Variants in PCDHGB6 observed in about 807,000 individuals in gnomAD.
PCDHGB6 encodes protocadherin gamma subfamily B, 6.
A neutral mutation model predicts 59.1 loss-of-function variants in PCDHGB6; 51 were observed. The ratio of observed to expected loss-of-function variants is 0.86; its 90% CI spans 0.69 to 1.09. The LOEUF is 1.09. Ranked by LOEUF, PCDHGB6 falls within the 50% of genes least tolerant of loss-of-function variation. The probability of loss-of-function intolerance (pLI) is 0.00; values close to 1 mark genes in which losing one functional copy is unlikely to be tolerated. For synonymous variants in PCDHGB6, 466 were observed against 495.1 expected, an observed-to-expected ratio of 0.94 and a Z score of 0.78; for missense variants, 1,148 against 1,205.1, an observed-to-expected ratio of 0.95 and a Z score of 0.70.
intron 1 of PCDHGB6, chr5:141,478,354 C>T (rs141625672): frequency 1.2e-6 from 2 of 1,613,778 alleles, no homozygotes; most frequent in Non-Finnish European, 8.5e-7. Context: ...ACGCGGACGC[C>T]GTGCGGGGAG....
chr5:141,428,338 T>G, intron 1 of PCDHGB6: 7 of 592,492 alleles, frequency 1.2e-5, no homozygotes, highest in East Asian at 3.1e-5. Flanking sequence ...TATGCTCTTC[T>G]TCCTCGCAGT....
At chr5:141,418,800 GAT>G (rs777421725) in intron 1 of PCDHGB6, 1 of 1,613,800 alleles carries the variant, frequency 6.2e-7, no homozygotes, top group Non-Finnish European at 8.5e-7. Flanking sequence ...GAAGTAGAAA[GAT>G]ATACGATAAA....
chr5:141,497,502 T>C (rs1216218103), intron 2 of PCDHGB6, among the ~76,000 whole-genome samples: 1 of 151,628 alleles, frequency 6.6e-6, no homozygotes, highest in East Asian at 1.9e-4. Flanking sequence ...CTCTCCTCTC[T>C]CTGCTTCCTT....
At chr5:141,479,366 T>A (rs2099494042) in intron 1 of PCDHGB6, 1 of 152,302 alleles carries the variant, frequency 6.6e-6, no homozygotes, top group Non-Finnish European at 1.5e-5. Flanking sequence ...GTGCCTGAGG[T>A]GGGAGGATTG....
rs1197249074 is a variant in PCDHGB6 at position 141,438,579 on chromosome 5, CATACATACATACATATATAT to C, written c.2418+27963_2418+27982del. ...AAGAGGCAGCTGTCTGATATACATACATACATACATACATATATATATATATATATATATATATATATATA... is the reference window on the plus strand; with the variant it reads ...AAGAGGCAGCTGTCTGATATACATACATATATATATATATATATATATATA... On this transcript the variant is annotated intron_variant, in intron 1 of 3. Transcript: ENST00000520790. Among the ~76,000 whole-genome samples the C allele has an allele frequency of 5.3e-3, 298 of 55,734 alleles. 1 individual carries two copies. Among genetic ancestry groups the C allele is most frequent in the Admixed American group, 0.022 (77 of 3,542 alleles). The allele number at this position is 55,734 out of a possible 152,430, so 36.6% of individuals were successfully genotyped here.
At chr5:141,492,121 C>G (rs1205499685) in intron 1 of PCDHGB6, among the ~76,000 whole-genome samples, 1 of 152,232 alleles carries the variant, frequency 6.6e-6, no homozygotes, top group Non-Finnish European at 1.5e-5. Context: ...CGATTTCTCC[C>G]CAGCTCCCAG....
At position 141,433,030 on chromosome 5, in the gene PCDHGB6, T is replaced by C. The variant is rs116611363; in HGVS notation, c.2418+22410T>C. ...TCCTGCAGACCTATTCCCACGAGGTTTCCCTCACCACGGACTCGCGGAAGA... is the reference window on the plus strand; with the variant it reads ...TCCTGCAGACCTATTCCCACGAGGTCTCCCTCACCACGGACTCGCGGAAGA... On this transcript the variant is annotated intron_variant, in intron 1 of 3. Transcript: ENST00000520790. 10,352 of 1,614,096 alleles carry C rather than the reference T, an allele frequency of 6.4e-3. 43 individuals are homozygous for C. The highest frequency in any genetic ancestry group is 8.6e-3 in the Middle Eastern group (52 of 6,062).
At chr5:141,418,278 T>C (rs2096243624) in intron 1 of PCDHGB6, 1 of 1,613,954 alleles carries the variant, frequency 6.2e-7, no homozygotes, top group East Asian at 2.2e-5. Context: ...GAAATAAACT[T>C]AGAAATCAGT....
intron 1 of PCDHGB6, among the ~76,000 whole-genome samples, chr5:141,442,926 T>C (rs2098353621): frequency 6.6e-6 from 1 of 152,240 alleles, no homozygotes; most frequent in African/African-American, 2.4e-5. Flanking sequence ...TGTTTCATTT[T>C]CTATTTAAGA....
At chr5:141,417,628 A>T (rs2096139720) in intron 1 of PCDHGB6, 1 of 692,650 alleles carries the variant, frequency 1.4e-6, no homozygotes, top group Non-Finnish European at 2.3e-6. Context: ...GCAAGCGCTG[A>T]CGCCGGGGAT....
chr5:141,441,937 C>T, intron 1 of PCDHGB6: 1 of 344,792 alleles, frequency 2.9e-6, no homozygotes, highest in Non-Finnish European at 5.6e-6. Context: ...GCTGTCCTAC[C>T]ACGTGCTGCA....
At chr5:141,455,186 C>T (rs1436215310) in intron 1 of PCDHGB6, among the ~76,000 whole-genome samples, 3 of 151,542 alleles carry the variant, frequency 2.0e-5, no homozygotes, top group Non-Finnish European at 2.9e-5. Context: ...TTTTATTTCT[C>T]TACAAATTTA....
Position 141,486,563 on chromosome 5 carries a change from G to T in PCDHGB6, c.2419-8244G>T, listed in dbSNP as rs558244990. Reference sequence around the variant, plus strand: ...CTTTCAGAGGTCACATGAGGTGTTTGTTCCTGAGAACAATCGCCCAGGGGA... The same window carrying T: ...CTTTCAGAGGTCACATGAGGTGTTTTTTCCTGAGAACAATCGCCCAGGGGA... On this transcript the variant is annotated intron_variant, in intron 1 of 3. Transcript: ENST00000520790. The surrounding 1 kb of genome is among the most constrained non-coding windows in gnomAD (Gnocchi z 5.0). The T allele has an allele frequency of 4.3e-6, 7 of 1,614,006 alleles. No individual in the cohort carries two copies. The highest frequency in any genetic ancestry group is 4.0e-5 in the African/African-American group (3 of 75,054).
In PCDHGB6 at chr5:141,505,414, C is replaced by T. The variant is rs373956550; in HGVS notation, c.2499C>T (p.Thr833=). The T allele has an allele frequency of 3.0e-5, 48 of 1,614,046 alleles. No homozygotes were observed. In the African/African-American group the frequency reaches 3.1e-4, roughly 10 times the overall value. The change falls in exon 3 of 4, where the codon ACC becomes ACT. Residue 833 remains threonine (T), a synonymous_variant. Transcript: ENST00000520790. ...CCAGCTCCCAAAATGGCGATGACACCGGCACCTGGCCCAACAACCAGTTTG... is the reference window on the plus strand; with the variant it reads ...CCAGCTCCCAAAATGGCGATGACACTGGCACCTGGCCCAACAACCAGTTTG... ...GTSGSQNGDD[T]GTWPNNQFDT...
At chr5:141,450,790 A>G (rs2098694056) in intron 1 of PCDHGB6, among the ~76,000 whole-genome samples, 1 of 148,832 alleles carries the variant, frequency 6.7e-6, no homozygotes, top group Admixed American at 6.7e-5. Context: ...CCCGGACCTC[A>G]TGATTGTATT....
chr5:141,469,821 G>GTCAC (rs2099212195), intron 1 of PCDHGB6, among the ~76,000 whole-genome samples: 1 of 152,028 alleles, frequency 6.6e-6, no homozygotes, highest in African/African-American at 2.4e-5. Flanking sequence ...TAGAATGGAG[G>GTCAC]TCACATAAAA....
In PCDHGB6 at chr5:141,410,258, G is replaced by T; in HGVS notation, c.2056G>T (p.Ala686Ser). The change falls in exon 1 of 4, where the codon GCT becomes TCT. Residue 686 changes from alanine (A) to serine (S), a missense_variant. Ala to Ser is a moderately conservative substitution (Grantham distance 99, BLOSUM62 1). Coordinates refer to ENST00000520790, the MANE Select transcript of PCDHGB6 (RefSeq NM_018926.3). ...SDRPVLSDPQ[A>S]ELQFYLVVAL... ...CCGCCCTGTACTCTCTGACCCCCAG[G>T]CTGAACTGCAGTTTTACCTGGTGGT... The T allele has an allele frequency of 6.2e-7, 1 of 1,614,022 alleles. No individual in the cohort carries two copies. The highest frequency in any genetic ancestry group is 8.5e-7 in the Non-Finnish European group (1 of 1,179,902).
In PCDHGB6 at chr5:141,476,101, A is replaced by G; in HGVS notation, c.2419-18706A>G. The G allele has an allele frequency of 6.3e-7, 1 of 1,576,386 alleles. No individual in the cohort carries two copies. Among genetic ancestry groups the G allele is most frequent in the East Asian group, 2.2e-5 (1 of 44,540 alleles). On this transcript the variant is annotated intron_variant, in intron 1 of 3. Coordinates refer to ENST00000520790, the MANE Select transcript of PCDHGB6 (RefSeq NM_018926.3). This position sits in a 1 kb window ranked among gnomAD's most constrained non-coding sequence, Gnocchi z 7.6. ...GACGATCTGGACCCCGCTGAGAGGA[A>G]CTGCTTTTGAGTGAGATGGTCCCAG... is the stretch of plus-strand genomic sequence containing the variant.
chr5:141,436,063 A>G (rs1406994228), intron 1 of PCDHGB6, among the ~76,000 whole-genome samples: 1 of 152,230 alleles, frequency 6.6e-6, no homozygotes, highest in Non-Finnish European at 1.5e-5. Flanking sequence ...ATAGAATTTA[A>G]TAAGTACAGT....
Sources: gnomAD v4.1 joint callset for allele counts (sites outside exome capture counted in the v4.1 genomes callset) on GRCh38, gnomAD v4.1.1 for gene constraint, Gnocchi (gnomAD v3.1) non-coding constraint, MANE v1.5 for transcripts, NCBI Gene and HGNC (gene_info 2026-07-23, HGNC 2026-07-21) for gene names.